Variants in NXPE2 observed in about 807,000 individuals in gnomAD.
NXPE2 encodes neurexophilin and PC-esterase domain family member 2, also known as NXPE family member 2.
A neutral mutation model predicts 34.4 loss-of-function variants in NXPE2; 34 were observed. That is an observed-to-expected ratio of 0.99 (90% CI 0.75 to 1.31). NXPE2 has a LOEUF of 1.31. Ranked by LOEUF, NXPE2 falls within the 40% of genes most tolerant of loss-of-function variation. The pLI is 0.00. For synonymous variants in NXPE2, 235 were observed against 231.3 expected, an observed-to-expected ratio of 1.02 and a Z score of -0.15; for missense variants, 649 against 672.5, an observed-to-expected ratio of 0.97 and a Z score of 0.39.
the NXPE2 span, among the ~76,000 whole-genome samples, chr11:114,556,285 A>C: frequency 6.6e-6 from 1 of 152,222 alleles, no homozygotes; most frequent in Non-Finnish European, 1.5e-5. Flanking sequence ...CTGGAACTCA[A>C]AACCTACAAA....
At chr11:114,681,317 G>T (rs1246546340) in intron 2 of NXPE2, among the ~76,000 whole-genome samples, 1 of 152,140 alleles carries the variant, frequency 6.6e-6, no homozygotes, top group East Asian at 1.9e-4. Flanking sequence ...AGAAATACAG[G>T]ATATCATGTT....
chr11:114,629,471 C>T, the NXPE2 span, among the ~76,000 whole-genome samples: 10,994 of 147,156 alleles, frequency 0.075, 510 homozygotes, highest in Middle Eastern at 0.19. Flanking sequence ...AATTCAACAA[C>T]CCTTCATGCT....
At chr11:114,744,977 A>G in the NXPE2 span, among the ~76,000 whole-genome samples, 7 of 152,220 alleles carry the variant, frequency 4.6e-5, no homozygotes, top group African/African-American at 1.7e-4. Flanking sequence ...AATACAAAAC[A>G]TTAACAGAAA....
chr11:114,721,320 A>C, the NXPE2 span, among the ~76,000 whole-genome samples: 2 of 151,010 alleles, frequency 1.3e-5, no homozygotes, highest in Non-Finnish European at 2.9e-5. Context: ...ATGATCCTTC[A>C]GAGCAGGACC....
chr11:114,565,686 A>C, the NXPE2 span, among the ~76,000 whole-genome samples: 1 of 152,084 alleles, frequency 6.6e-6, no homozygotes, highest in African/African-American at 2.4e-5. Flanking sequence ...GACAGGAAAG[A>C]CTCATCATTA....
chr11:114,572,922 A>G, the NXPE2 span, among the ~76,000 whole-genome samples: 7 of 152,210 alleles, frequency 4.6e-5, no homozygotes, highest in Non-Finnish European at 8.8e-5. Context: ...CAGATTATCT[A>G]AAGTCAAGAT....
the NXPE2 span, chr11:114,583,733 T>C: frequency 1.9e-6 from 1 of 526,640 alleles, no homozygotes; most frequent in Non-Finnish European, 3.8e-6. Context: ...CTGGGCCACC[T>C]TGGAACTGCT....
chr11:114,769,332 G>T, the NXPE2 span, among the ~76,000 whole-genome samples: 3 of 152,324 alleles, frequency 2.0e-5, no homozygotes, highest in African/African-American at 7.2e-5. Flanking sequence ...AGAGGATGTG[G>T]AGAAATAGGA....
At chr11:114,601,970 T>C in the NXPE2 span, among the ~76,000 whole-genome samples, 1 of 86,650 alleles carries the variant, frequency 1.2e-5, no homozygotes, top group Non-Finnish European at 2.0e-5. Flanking sequence ...ATATATTATA[T>C]ATTCTGTTAT....
the NXPE2 span, among the ~76,000 whole-genome samples, chr11:114,640,698 T>C: frequency 3.3e-5 from 5 of 152,048 alleles, no homozygotes; most frequent in African/African-American, 9.7e-5. Flanking sequence ...TCCATTTCCC[T>C]GATGATTAGT....
At chr11:114,667,025 T>C in the NXPE2 span, among the ~76,000 whole-genome samples, 160 of 152,228 alleles carry the variant, frequency 1.1e-3, no homozygotes, top group African/African-American at 3.8e-3. Flanking sequence ...GTCCTCACTT[T>C]TAAAGTATGT....
chr11:114,646,809 G>A, the NXPE2 span, among the ~76,000 whole-genome samples: 439 of 152,248 alleles, frequency 2.9e-3, 1 homozygote, highest in African/African-American at 0.01. Flanking sequence ...TTAGGCTTAA[G>A]ACTATGGTTA....
At chr11:114,542,707 A>G in the NXPE2 span, among the ~76,000 whole-genome samples, 9 of 152,152 alleles carry the variant, frequency 5.9e-5, no homozygotes, top group Admixed American at 1.3e-4. Context: ...GTTACTTTCA[A>G]TATTGCTCAT....
At chr11:114,776,325 A>G in the NXPE2 span, among the ~76,000 whole-genome samples, 1 of 152,192 alleles carries the variant, frequency 6.6e-6, no homozygotes, top group African/African-American at 2.4e-5. Context: ...CGTTTTGTCC[A>G]CCTGCCAAGC....
chr11:114,695,144 C>T (rs1247048426), intron 2 of NXPE2, among the ~76,000 whole-genome samples: 1 of 152,056 alleles, frequency 6.6e-6, no homozygotes, highest in East Asian at 1.9e-4. Context: ...CTACAATTTC[C>T]TCCAGTGTCC....
chr11:114,698,466 G>T lies in NXPE2; in HGVS notation c.554G>T (p.Gly185Val). 1 of 1,614,006 alleles carries T rather than the reference G, an allele frequency of 6.2e-7. No individual in the cohort carries two copies. Among genetic ancestry groups the T allele is most frequent in the South Asian group, 1.1e-5 (1 of 91,066 alleles). The part of the protein sequence containing the change: ...YLVSFTLFWE[G>V]QVSLSLLLIH... ...GTCAGCTTCACTCTGTTCTGGGAGG[G>T]CCAGGTTTCCCTGTCTCTGCTGCTC... is the stretch of plus-strand genomic sequence containing the variant. Residue 185 changes from glycine (G) to valine (V), a missense_variant, in exon 3 of 6, where the codon GGC becomes GTC. By Grantham distance (109) the Gly-to-Val change is moderately radical. Transcript: ENST00000389586.
chr11:114,464,941 G>GAAAA, the NXPE2 span, among the ~76,000 whole-genome samples: 1 of 151,670 alleles, frequency 6.6e-6, no homozygotes, highest in Non-Finnish European at 1.5e-5. Flanking sequence ...CAATAAACAG[G>GAAAA]AAAAAAATGT....
the NXPE2 span, chr11:114,522,481 A>ATGAAGATCAAAAAACTTCAGTGC: frequency 6.2e-7 from 1 of 1,602,584 alleles, no homozygotes; most frequent in South Asian, 1.1e-5. Flanking sequence ...TTCCAGTTTC[A>ATGAAGATCAAAAAACTTCAGTGC]TGAAGATCAA....
chr11:114,666,222 TATAG>T, the NXPE2 span, among the ~76,000 whole-genome samples: 1 of 152,156 alleles, frequency 6.6e-6, no homozygotes, highest in Admixed American at 6.6e-5. Flanking sequence ...TTTGCTACCG[TATAG>T]CAGATTCATT....
Sources: allele counts gnomAD v4.1 joint callset (sites outside exome capture counted in the v4.1 genomes callset), GRCh38; gene constraint gnomAD v4.1.1; transcripts MANE v1.5; gene names NCBI Gene and HGNC (gene_info 2026-07-23, HGNC 2026-07-21).